The following ZNF285 variants were observed in gnomAD, a reference collection of about 807,000 sequenced individuals.
ZNF285 encodes zinc finger protein 285A.
Under a neutral mutation model 6.2 loss-of-function variants are expected in ZNF285, and 4 were observed. The observed-to-expected ratio is 0.65, with a 90% CI of 0.32 to 1.49. The LOEUF is 1.49. Among genes scored for constraint, ZNF285 ranks in the 40% most tolerant of loss-of-function variants. The pLI, the probability that ZNF285 is intolerant of heterozygous loss-of-function variation, is 0.07. For missense variants in ZNF285, 695 were observed against 708.8 expected (o/e 0.98, Z 0.22); for synonymous variants, 240 against 245.8 (o/e 0.98, Z 0.22).
At position 44,397,264 on chromosome 19, in the gene ZNF285, G is replaced by C. The variant is rs1477720573; in HGVS notation, c.-43-8C>G. 1.9e-6 allele frequency: 3 copies of C among 1,613,658 alleles called. No homozygotes were observed. The highest frequency in any genetic ancestry group is 1.7e-6 in the Non-Finnish European group (2 of 1,179,790). On this transcript the variant is annotated splice_region_variant and splice_polypyrimidine_tract_variant and intron_variant, in intron 1 of 3. Transcript: ENST00000614994. ...GATTCTGGAAAAGCAGAACTGCAAA[G>C]AAGAAATAATCCATGAGATCATGGG... is the stretch of plus-strand genomic sequence containing the variant.
rs192139426 is a variant in ZNF285, at chr19:44,390,217, A to C, written c.143-2115T>G. On this transcript the variant is annotated intron_variant, in intron 3 of 3. Coordinates refer to ENST00000614994, the MANE Select transcript of ZNF285 (RefSeq NM_152354.6). ...TGACAGCTTCACTGGGTGCCCAGAAAAGCCACAAACACTCAACACCAGCCC... is the reference window on the plus strand; with the variant it reads ...TGACAGCTTCACTGGGTGCCCAGAACAGCCACAAACACTCAACACCAGCCC... Among the ~76,000 whole-genome samples the C allele has an allele frequency of 1.2e-4, 18 of 152,262 alleles. No homozygotes were observed. In the East Asian group the frequency reaches 3.5e-3, roughly 29 times the overall value.
At position 44,387,331 on chromosome 19, in the gene ZNF285, C is replaced by T. The variant is rs1334889396; in HGVS notation, c.914G>A (p.Arg305Lys). Residue 305 changes from arginine to lysine, a missense_variant, in exon 4 of 4, where the codon AGA becomes AAA. Arg to Lys is a conservative substitution (Grantham distance 26, BLOSUM62 2). Coordinates refer to ENST00000614994, the MANE Select transcript of ZNF285 (RefSeq NM_152354.6). ...MGCKQSSDLP[R>K]YQKVSSGDKP... ...GTCTCCTGAGGAGACTTTCTGATAT[C>T]TGGGAAGGTCTGAGCTCTGTTTGCA... The T allele has an allele frequency of 5.6e-6, 9 of 1,614,046 alleles. No individual in the cohort carries two copies. Among genetic ancestry groups the T allele is most frequent in the Non-Finnish European group, 7.6e-6 (9 of 1,180,032 alleles).
intron 2 of ZNF285, among the ~76,000 whole-genome samples, chr19:44,393,133 CTCTTAT>C (rs1291962039): frequency 2.0e-5 from 3 of 152,014 alleles, no homozygotes; most frequent in African/African-American, 7.3e-5. Flanking sequence ...TAGGAAAATG[CTCTTAT>C]TCTTAGGAGA....
chr19:44,397,339 T>C, intron 1 of ZNF285, 83 bp from the exon 2 acceptor site: 4 of 1,491,844 alleles, frequency 2.7e-6, no homozygotes, highest in East Asian at 4.5e-5. Context: ...TGTACAAGTT[T>C]CTCACAATTT....
At position 44,387,361 on chromosome 19, in the gene ZNF285, A is replaced by C. The variant is rs1010778506; in HGVS notation, c.884T>G (p.Met295Arg). Reference protein sequence around the residue: ...KTPYEFHEWPMGCKQSSDLPR... With the variant: ...KTPYEFHEWPRGCKQSSDLPR... ...AAGGTCTGAGCTCTGTTTGCAGCCC[A>C]TAGGCCATTCGTGGAATTCATAGGG... Residue 295 changes from methionine to arginine, a missense_variant, in exon 4 of 4, where the codon ATG becomes AGG. Physicochemically the swap from Met to Arg is moderately conservative, Grantham distance 91. Transcript: ENST00000614994. The C allele has an allele frequency of 3.1e-6, 5 of 1,614,076 alleles. No homozygotes were observed. Among genetic ancestry groups the C allele is most frequent in the African/African-American group, 1.3e-5 (1 of 74,928 alleles).
rs766688541 is a variant in ZNF285 at position 44,387,656 on chromosome 19, C to T, written c.589G>A (p.Glu197Lys). The change falls in exon 4 of 4, where the codon GAA becomes AAA. Residue 197 changes from glutamate (E) to lysine (K), a missense_variant. Glu to Lys is a moderately conservative substitution (Grantham distance 56). Transcript: ENST00000614994. Reference sequence around the variant, plus strand: ...CTACCAGGGTCCTCTCCTTTACATTCTTGGGACTCATGATGATCACATGAG... The same window carrying T: ...CTACCAGGGTCCTCTCCTTTACATTTTTGGGACTCATGATGATCACATGAG... ...WTSCDHHESQ[E>K]CKGEDPGRHP... 6.2e-7 allele frequency: 1 copy of T among 1,613,882 alleles called. No homozygotes were observed. Among genetic ancestry groups the T allele is most frequent in the Non-Finnish European group, 8.5e-7 (1 of 1,179,852 alleles).
chr19:44,391,041 C>A (rs1438026978), intron 3 of ZNF285, among the ~76,000 whole-genome samples: 1 of 151,336 alleles, frequency 6.6e-6, no homozygotes, highest in Non-Finnish European at 1.5e-5. Context: ...GTAGTCCCAG[C>A]AACTTGGGAG....
chr19:44,384,554 A>C lies in ZNF285; in HGVS notation c.*1918T>G. 6.6e-6 allele frequency: 1 copy of C among 152,184 alleles called. No individual in the cohort carries two copies. Among genetic ancestry groups the C allele is most frequent in the East Asian group, 1.9e-4 (1 of 5,192 alleles). The allele number at this position is 152,184 out of a possible 1,614,324, so 9.4% of individuals were successfully genotyped here. On this transcript the variant is annotated 3_prime_UTR_variant, in exon 4 of 4. Coordinates refer to ENST00000614994, the MANE Select transcript of ZNF285 (RefSeq NM_152354.6). ...ACACTTCAGGGATGGTTTTATTTGC[A>C]CTTGAATGGCTGTTCTGTTTACAAA...
At chr19:44,392,735 T>C in intron 2 of ZNF285, 2 of 591,986 alleles carry the variant, frequency 3.4e-6, no homozygotes, top group Middle Eastern at 3.9e-4. Context: ...GAGGCTCTCA[T>C]AAGGACACTA....
rs762791880 is a variant in ZNF285, at chr19:44,386,999, G to C, written c.1246C>G (p.Gln416Glu). The change falls in exon 4 of 4, where the codon CAA becomes GAA. Residue 416 changes from glutamine (Q) to glutamate (E), a missense_variant. Physicochemically the swap from Gln to Glu is conservative, Grantham distance 29. Coordinates refer to ENST00000614994, the MANE Select transcript of ZNF285 (RefSeq NM_152354.6). Reference sequence around the variant, plus strand: ...CCTGTGTGAAACCTCCAGTGGACTTGAAGAACGGAGCTTGAACTAAAGCAC... The same window carrying C: ...CCTGTGTGAAACCTCCAGTGGACTTCAAGAACGGAGCTTGAACTAAAGCAC... ...GKCFSSSSVL[Q>E]VHWRFHTGEK... 6 of 1,614,044 alleles carry C rather than the reference G, an allele frequency of 3.7e-6. No homozygotes were observed. The highest frequency in any genetic ancestry group is 5.1e-6 in the Non-Finnish European group (6 of 1,180,036).
chr19:44,385,207 T>C lies in ZNF285; in HGVS notation c.*1265A>G, dbSNP rs1242578119. 1.3e-5 allele frequency: 2 copies of C among 152,166 alleles called. No homozygotes were observed. The highest frequency in any genetic ancestry group is 2.9e-5 in the Non-Finnish European group (2 of 68,032). 9.4% of individuals were successfully genotyped at this position (152,166 alleles called of 1,614,324 possible). On this transcript the variant is annotated 3_prime_UTR_variant, in exon 4 of 4. Coordinates refer to ENST00000614994, the MANE Select transcript of ZNF285 (RefSeq NM_152354.6). ...ATGTTGTTGGTCACTTTAGTAAATG[T>C]TGATTTTATTCAATTAATTTTATTA...
At chr19:44,389,357 A>G (rs1271640323) in intron 3 of ZNF285, among the ~76,000 whole-genome samples, 1 of 152,144 alleles carries the variant, frequency 6.6e-6, no homozygotes, top group Non-Finnish European at 1.5e-5. Flanking sequence ...TCCTTTCTGC[A>G]TTGTTTTATT....
At chr19:44,390,662 A>G (rs1386311014) in intron 3 of ZNF285, among the ~76,000 whole-genome samples, 1 of 151,998 alleles carries the variant, frequency 6.6e-6, no homozygotes, top group Non-Finnish European at 1.5e-5. Flanking sequence ...ATGTAAGGAC[A>G]TATGATTTGG....
At position 44,387,294 on chromosome 19, in the gene ZNF285, T is replaced by C; in HGVS notation, c.951A>G (p.Lys317=). 1.2e-6 allele frequency: 2 copies of C among 1,614,112 alleles called. No homozygotes were observed. Among genetic ancestry groups the C allele is most frequent in the South Asian group, 2.2e-5 (2 of 91,082 alleles). ...QKVSSGDKPY[K]CKECGKGFRR... is the part of the protein sequence containing the mutation. ...TGAAGCCCTTGCCACATTCTTTACATTTGTAGGGTTTGTCTCCTGAGGAGA... is the reference window on the plus strand; with the variant it reads ...TGAAGCCCTTGCCACATTCTTTACACTTGTAGGGTTTGTCTCCTGAGGAGA... The change falls in exon 4 of 4, where the codon AAA becomes AAG. Residue 317 remains lysine (K), a synonymous_variant. Transcript: ENST00000614994.
chr19:44,390,675 G>A (rs1361084383), intron 3 of ZNF285, among the ~76,000 whole-genome samples: 2 of 151,852 alleles, frequency 1.3e-5, no homozygotes, highest in Admixed American at 6.6e-5. Context: ...TGATTTGGGA[G>A]GGGCCAGTGG....
At chr19:44,397,300 T>G in intron 1 of ZNF285, 44 bp from the exon 2 acceptor site, 1 of 1,606,818 alleles carries the variant, frequency 6.2e-7, no homozygotes, top group Non-Finnish European at 8.5e-7. Context: ...TTCAACAAGT[T>G]GTGAATGAAC....
At chr19:44,394,690 A>G (rs1971252170) in intron 2 of ZNF285, 4 of 398,762 alleles carry the variant, frequency 1.0e-5, no homozygotes, top group Non-Finnish European at 1.8e-5. Context: ...TGTTCTCTCA[A>G]TAGACTCTGC....
intron 3 of ZNF285, among the ~76,000 whole-genome samples, chr19:44,391,876 C>A (rs773034462): frequency 5.9e-5 from 9 of 152,068 alleles, no homozygotes; most frequent in Non-Finnish European, 1.0e-4. Context: ...TTACTACATA[C>A]CAGTAAGTGT....
At chr19:44,397,939 G>C (rs953553757) in intron 1 of ZNF285, among the ~76,000 whole-genome samples, 16 of 151,502 alleles carry the variant, frequency 1.1e-4, no homozygotes, top group South Asian at 6.3e-4. Flanking sequence ...AGGATGACAG[G>C]GACCTTCTGC....
Sources: gnomAD v4.1 joint callset for allele counts (sites outside exome capture counted in the v4.1 genomes callset) on GRCh38, gnomAD v4.1.1 for gene constraint, MANE v1.5 for transcripts, NCBI Gene and HGNC (gene_info 2026-07-23, HGNC 2026-07-21) for gene names.